The following SLC9A9 variants were observed in gnomAD, a reference collection of about 807,000 sequenced individuals.
SLC9A9 encodes sodium/hydrogen exchanger 9.
In SLC9A9, 62 loss-of-function variants were observed where a neutral mutation model predicts 77.8. That is an observed-to-expected ratio of 0.80 (90% CI 0.65 to 0.98). The LOEUF is 0.98. Ranked by LOEUF, SLC9A9 falls within the 50% of genes least tolerant of loss-of-function variation. The probability of loss-of-function intolerance (pLI) is 0.00; values close to 1 mark genes in which losing one functional copy is unlikely to be tolerated. For missense variants in SLC9A9, 775 were observed against 774.9 expected, an observed-to-expected ratio of 1.00 and a Z score of 0.00; for synonymous variants, 320 against 283.5, an observed-to-expected ratio of 1.13 and a Z score of -1.29.
At chr3:143,473,958 A>G (rs1015699759) in intron 11 of SLC9A9, among the ~76,000 whole-genome samples, 2 of 152,222 alleles carry the variant, frequency 1.3e-5, no homozygotes, top group African/African-American at 4.8e-5. Flanking sequence ...TGATTATGTC[A>G]GGTGGTATGA....
At chr3:143,804,911 T>C (rs1293499868) in intron 2 of SLC9A9, among the ~76,000 whole-genome samples, 1 of 152,198 alleles carries the variant, frequency 6.6e-6, no homozygotes, top group African/African-American at 2.4e-5. Context: ...GTTGACTGTT[T>C]AGCTGCAGTT....
At chr3:143,668,481 CA>C (rs1240416631) in intron 5 of SLC9A9, among the ~76,000 whole-genome samples, 11 of 151,880 alleles carry the variant, frequency 7.2e-5, no homozygotes, top group Non-Finnish European at 1.0e-4. Context: ...AGTATAATAA[CA>C]AAAAAAGTAA....
At chr3:143,444,462 G>A (rs562846774) in intron 12 of SLC9A9, among the ~76,000 whole-genome samples, 2 of 152,294 alleles carry the variant, frequency 1.3e-5, no homozygotes, top group South Asian at 2.1e-4. Context: ...GGTTCATGGA[G>A]TGCAAAAGAA....
chr3:143,554,331 C>T lies in SLC9A9; in HGVS notation c.1001-1881G>A, dbSNP rs1355468786. Among the ~76,000 whole-genome samples the T allele has an allele frequency of 2.6e-5, 4 of 152,278 alleles. No individual in the cohort carries two copies. In the East Asian group the frequency reaches 7.7e-4, roughly 29 times the overall value. On this transcript the variant is annotated intron_variant, in intron 8 of 15. Transcript: ENST00000316549. ...AACAGGCTCACAATGATTAAGCAGC[C>T]TCTCCCACTGCCTTCTCCTTTTTAG...
intron 4 of SLC9A9, among the ~76,000 whole-genome samples, chr3:143,764,726 T>G (rs1162090821): frequency 6.6e-6 from 1 of 152,046 alleles, no homozygotes; most frequent in Non-Finnish European, 1.5e-5. Context: ...CCAACTATTT[T>G]ATTTATTTAT....
At chr3:143,723,190 C>T (rs1039553571) in intron 4 of SLC9A9, among the ~76,000 whole-genome samples, 4 of 152,004 alleles carry the variant, frequency 2.6e-5, no homozygotes, top group African/African-American at 9.7e-5. Context: ...AATAATATGT[C>T]TCCCTGGGTA....
At chr3:143,315,067 T>G (rs1272957898) in intron 14 of SLC9A9, among the ~76,000 whole-genome samples, 1 of 152,214 alleles carries the variant, frequency 6.6e-6, no homozygotes, top group Non-Finnish European at 1.5e-5. Context: ...CCCTAAGGTG[T>G]GATACTCAAG....
chr3:143,549,595 T>A (rs879528013), intron 9 of SLC9A9, among the ~76,000 whole-genome samples: 8 of 152,168 alleles, frequency 5.3e-5, no homozygotes, highest in Admixed American at 1.3e-4. Flanking sequence ...TTCTCCTTCC[T>A]TAAAAGAGAA....
chr3:143,284,546 C>T (rs747105180), intron 14 of SLC9A9, among the ~76,000 whole-genome samples: 6 of 151,702 alleles, frequency 4.0e-5, no homozygotes, highest in Non-Finnish European at 8.8e-5. Flanking sequence ...CCACTACTAC[C>T]GTAGTGGCCA....
At chr3:143,467,538 AT>A (rs1225197366) in intron 11 of SLC9A9, among the ~76,000 whole-genome samples, 1 of 152,110 alleles carries the variant, frequency 6.6e-6, no homozygotes, top group East Asian at 1.9e-4. Flanking sequence ...GAAGTCAGGC[AT>A]TCGAGACCAG....
rs575433973 is a variant in SLC9A9 at position 143,422,851 on chromosome 3, C to G, written c.1470-40737G>C. On this transcript the variant is annotated intron_variant, in intron 12 of 15. Transcript: ENST00000316549. ...AGTGTGGCCCTGGCCCTGTGCTCTTCCCTATACAGCCTTCTGAAACAGGTA... is the reference window on the plus strand; with the variant it reads ...AGTGTGGCCCTGGCCCTGTGCTCTTGCCTATACAGCCTTCTGAAACAGGTA... Among the ~76,000 whole-genome samples the G allele has an allele frequency of 2.6e-5, 4 of 152,316 alleles. No homozygotes were observed. The East Asian group carries it at 7.7e-4, about 29-fold the overall frequency.
At chr3:143,503,559 G>T in intron 9 of SLC9A9, 1 of 411,260 alleles carries the variant, frequency 2.4e-6, no homozygotes, top group Non-Finnish European at 4.8e-6. Context: ...TGTGACTGAT[G>T]TTGGCAGTGG....
At chr3:143,472,243 A>C (rs2035390652) in intron 11 of SLC9A9, among the ~76,000 whole-genome samples, 1 of 152,200 alleles carries the variant, frequency 6.6e-6, no homozygotes, top group African/African-American at 2.4e-5. Flanking sequence ...TTAAAAGGTA[A>C]ACTGTAAGAA....
intron 2 of SLC9A9, among the ~76,000 whole-genome samples, chr3:143,804,007 C>G (rs138691966): frequency 1.3e-5 from 2 of 152,132 alleles, no homozygotes; most frequent in Non-Finnish European, 2.9e-5. Context: ...CTCTACTCCC[C>G]CCTTATGTGG....
rs910108807 is a variant in SLC9A9, at chr3:143,693,272, T to G, written c.569A>C (p.His190Pro). 1.2e-6 allele frequency: 2 copies of G among 1,613,244 alleles called. No individual in the cohort carries two copies. Among genetic ancestry groups the G allele is most frequent in the African/African-American group, 2.7e-5 (2 of 74,882 alleles). Reference sequence around the variant, plus strand: ...GTCTCCATTTTTCAGCTGGCCAGCATGTATCATAGCCTTCACAAAACCATA... The same window carrying G: ...GTCTCCATTTTTCAGCTGGCCAGCAGGTATCATAGCCTTCACAAAACCATA... Reference protein sequence around the residue: ...IMYGFVKAMIHAGQLKNGDFH... With the variant: ...IMYGFVKAMIPAGQLKNGDFH... Residue 190 changes from histidine to proline, a missense_variant, in exon 5 of 16, where the codon CAT becomes CCT. By Grantham distance (77) the His-to-Pro change is moderately conservative (BLOSUM62 -2). Transcript: ENST00000316549.
intron 4 of SLC9A9, among the ~76,000 whole-genome samples, chr3:143,765,722 T>G (rs990582938): frequency 2.0e-5 from 3 of 152,192 alleles, no homozygotes; most frequent in African/African-American, 7.2e-5. Context: ...AAGTTTTTAT[T>G]CAGGATATAT....
chr3:143,288,260 T>TA (rs1261939983), intron 14 of SLC9A9, among the ~76,000 whole-genome samples: 187 of 145,164 alleles, frequency 1.3e-3, no homozygotes, highest in South Asian at 3.3e-3. Context: ...CTCCAGTTAT[T>TA]AAAAAAAAAA....
At chr3:143,679,260 C>G (rs1045446411) in intron 5 of SLC9A9, among the ~76,000 whole-genome samples, 1 of 152,136 alleles carries the variant, frequency 6.6e-6, no homozygotes, top group African/African-American at 2.4e-5. Context: ...GGCAGGTGTT[C>G]ATGGGGGAAA....
intron 6 of SLC9A9, among the ~76,000 whole-genome samples, chr3:143,634,078 A>G (rs2038471987): frequency 6.6e-6 from 1 of 152,138 alleles, no homozygotes; most frequent in Non-Finnish European, 1.5e-5. Flanking sequence ...TCAAGTCGAA[A>G]GCCAACCTGA....
Sources: gnomAD v4.1 joint callset for allele counts (sites outside exome capture counted in the v4.1 genomes callset) on GRCh38, gnomAD v4.1.1 for gene constraint, MANE v1.5 for transcripts, NCBI Gene and HGNC (gene_info 2026-07-23, HGNC 2026-07-21) for gene names.